The following ZNF560 variants were observed in gnomAD, a reference collection of about 807,000 sequenced individuals.
ZNF560 encodes the protein zinc finger protein 560.
In ZNF560, 54 loss-of-function variants were observed where a neutral mutation model predicts 81.8. The observed-to-expected ratio is 0.66, with a 90% CI of 0.53 to 0.83. ZNF560 has a LOEUF of 0.83. Ranked by LOEUF, ZNF560 falls within the 40% of genes least tolerant of loss-of-function variation. The probability of loss-of-function intolerance (pLI) is 0.00; values close to 1 mark genes in which losing one functional copy is unlikely to be tolerated. For synonymous variants in ZNF560, 321 were observed against 317.9 expected (o/e 1.01, Z -0.10); for missense variants, 940 against 932.4 (o/e 1.01, Z -0.11).
chr19:9,460,276 A>G, the ZNF560 span, among the ~76,000 whole-genome samples: 1 of 152,190 alleles, frequency 6.6e-6, no homozygotes, highest in Admixed American at 6.5e-5. Context: ...CTACCTGGGG[A>G]CAGATCAAGA....
upstream of ZNF560, among the ~76,000 whole-genome samples, chr19:9,500,111 C>T (rs905660506): frequency 6.6e-5 from 10 of 151,952 alleles, no homozygotes; most frequent in South Asian, 4.2e-4. Context: ...AGGCTGGGCA[C>T]GGTGGCTCAC....
At chr19:9,480,224 A>T (rs1212943586) in intron 2 of ZNF560, among the ~76,000 whole-genome samples, 1 of 152,226 alleles carries the variant, frequency 6.6e-6, no homozygotes, top group Non-Finnish European at 1.5e-5. Flanking sequence ...ATGTTAGGTC[A>T]CAAAACAACA....
chr19:9,498,242 T>C (rs1452594177), intron 1 of ZNF560, 27 bp from the exon 2 acceptor site: 1 of 152,132 alleles, frequency 6.6e-6, no homozygotes, highest in East Asian at 1.9e-4. Flanking sequence ...AAACGTTGCC[T>C]TGGAGACTTA....
downstream of ZNF560, among the ~76,000 whole-genome samples, chr19:9,464,438 T>A (rs1474205621): frequency 6.6e-6 from 1 of 152,212 alleles, no homozygotes; most frequent in Non-Finnish European, 1.5e-5. Context: ...TGAAGGGTTA[T>A]GGGTGTCCCT....
At chr19:9,474,574 G>A (rs1179325716) in intron 3 of ZNF560, among the ~76,000 whole-genome samples, 3 of 152,148 alleles carry the variant, frequency 2.0e-5, no homozygotes, top group Admixed American at 6.5e-5. Context: ...CAAGCAGACT[G>A]TGAGTGCTTT....
the ZNF560 span, among the ~76,000 whole-genome samples, chr19:9,447,888 A>G: frequency 6.6e-6 from 1 of 152,212 alleles, no homozygotes; most frequent in African/African-American, 2.4e-5. Context: ...ACTACATAAA[A>G]TGAACACCAC....
At chr19:9,471,579 A>T (rs192827245) in intron 5 of ZNF560, among the ~76,000 whole-genome samples, 10 of 152,308 alleles carry the variant, frequency 6.6e-5, no homozygotes, top group African/African-American at 2.2e-4. Context: ...ATTTGCTACA[A>T]ATTGACTCAT....
At chr19:9,466,352 AAAAG>A (rs1230984120) in exon 10 of ZNF560, among the ~76,000 whole-genome samples, 6 of 147,594 alleles carry the variant, frequency 4.1e-5, no homozygotes, top group Non-Finnish European at 7.4e-5. Flanking sequence ...CAAAAAAAAA[AAAAG>A]AGAGAGAGAA....
At chr19:9,496,920 A>G (rs10408953) in intron 2 of ZNF560, among the ~76,000 whole-genome samples, 7,324 of 151,964 alleles carry the variant, frequency 0.048, 608 homozygotes, top group African/African-American at 0.17. Context: ...TGGCGACAGA[A>G]CGAGACTGTG....
rs1192986941 is a variant in ZNF560, at chr19:9,468,043, T to C, written c.904A>G (p.Ile302Val). 3 of 1,614,228 alleles carry C rather than the reference T, an allele frequency of 1.9e-6. No individual in the cohort carries two copies. The highest frequency in any genetic ancestry group is 2.5e-6 in the Non-Finnish European group (3 of 1,180,040). The change falls in exon 10 of 10, where the codon ATT becomes GTT. Residue 302 changes from isoleucine to valine, a missense_variant. By Grantham distance (29) the Ile-to-Val change is conservative. Coordinates refer to ENST00000301480, the MANE Select transcript of ZNF560 (RefSeq NM_152476.3). ...TGTGCTTCAAGGTATGACTGATAAA[T>C]GAAGGCTTTCCCATAGTCAGTGCCT... ...FEGTDYGKAF[I>V]YQSYLEAHRK...
At chr19:9,494,223 G>C (rs996084703) in intron 2 of ZNF560, among the ~76,000 whole-genome samples, 4 of 151,216 alleles carry the variant, frequency 2.6e-5, no homozygotes, top group African/African-American at 9.7e-5. Context: ...CTTCAATCTT[G>C]TTAAGTGGAA....
the ZNF560 span, among the ~76,000 whole-genome samples, chr19:9,458,061 G>A: frequency 3.3e-4 from 51 of 152,250 alleles, 2 homozygotes; most frequent in Admixed American, 2.5e-3. Context: ...CTAATTCACG[G>A]ACTTTGACTC....
At chr19:9,458,774 ATACAGCAT>A in the ZNF560 span, among the ~76,000 whole-genome samples, 13 of 152,268 alleles carry the variant, frequency 8.5e-5, no homozygotes, top group African/African-American at 2.4e-4. Flanking sequence ...TCAGACACAG[ATACAGCAT>A]TACCTGGAAA....
chr19:9,455,379 A>G, the ZNF560 span, among the ~76,000 whole-genome samples: 1 of 152,216 alleles, frequency 6.6e-6, no homozygotes, highest in Non-Finnish European at 1.5e-5. Context: ...TGGTGGCCAG[A>G]TGAAGCTTCT....
At chr19:9,449,179 A>G in the ZNF560 span, among the ~76,000 whole-genome samples, 1 of 152,210 alleles carries the variant, frequency 6.6e-6, no homozygotes, top group African/African-American at 2.4e-5. Flanking sequence ...CATTCTACCC[A>G]TCAACCACAA....
chr19:9,486,213 G>A (rs985211956), intron 2 of ZNF560, among the ~76,000 whole-genome samples: 6 of 152,168 alleles, frequency 3.9e-5, no homozygotes, highest in African/African-American at 7.2e-5. Context: ...CTGGGATCAT[G>A]GCTGGTAAGC....
the ZNF560 span, among the ~76,000 whole-genome samples, chr19:9,449,974 C>CAAAA: frequency 0.01 from 442 of 43,266 alleles, 7 homozygotes; most frequent in African/African-American, 0.029. Context: ...AACTCTGTCT[C>CAAAA]AAAAAAAAAA....
intron 4 of ZNF560, among the ~76,000 whole-genome samples, chr19:9,473,895 C>A (rs1219358483): frequency 6.6e-6 from 1 of 152,172 alleles, no homozygotes; most frequent in African/African-American, 2.4e-5. Context: ...ACCAGTGATT[C>A]TTAATATTAT....
the ZNF560 span, among the ~76,000 whole-genome samples, chr19:9,449,164 C>G: frequency 2.0e-5 from 3 of 152,306 alleles, no homozygotes; most frequent in East Asian, 5.8e-4. Flanking sequence ...TAGATATCCA[C>G]AGAACATTCT....
Sources: gnomAD v4.1 joint callset for allele counts (sites outside exome capture counted in the v4.1 genomes callset) on GRCh38, gnomAD v4.1.1 for gene constraint, MANE v1.5 for transcripts, NCBI Gene and HGNC (gene_info 2026-07-23, HGNC 2026-07-21) for gene names.